The following GPM6B variants were observed in gnomAD, a reference collection of about 807,000 sequenced individuals.
GPM6B encodes glycoprotein M6B, also known as neuronal membrane glycoprotein M6-b.
A neutral mutation model predicts 27.2 loss-of-function variants in GPM6B; 4 were observed. The observed-to-expected ratio is 0.15, with a 90% CI of 0.07 to 0.34. The LOEUF (loss-of-function observed/expected upper bound fraction) is 0.34, where lower values mean the gene tolerates loss of function less well. Ranked by LOEUF, GPM6B falls within the 10% of genes least tolerant of loss-of-function variation. The pLI is 1.00. For missense variants in GPM6B, 183 were observed against 261.9 expected (o/e 0.70, Z 2.08); for synonymous variants, 124 against 103.1 (o/e 1.20, Z -1.23).
intron 1 of GPM6B, among the ~76,000 whole-genome samples, chrX:13,845,785 A>G (rs1345241406): frequency 8.9e-6 from 1 of 112,163 alleles, no homozygotes; most frequent in Non-Finnish European, 1.9e-5. Context: ...ACAGCCAGCA[A>G]CGTTGCAAGA....
chrX:13,858,780 T>C (rs1435599937), intron 1 of GPM6B, among the ~76,000 whole-genome samples: 2 of 111,843 alleles, frequency 1.8e-5, no homozygotes, highest in Non-Finnish European at 3.8e-5. Flanking sequence ...CCTGCCCCAA[T>C]ACTCACCTGC....
At chrX:13,871,803 A>G (rs73197733) in intron 1 of GPM6B, among the ~76,000 whole-genome samples, 3,867 of 112,213 alleles carry the variant, frequency 0.034, 48 homozygotes, top group Admixed American at 0.047. Flanking sequence ...CAACACAAAT[A>G]TAGAGCATTT....
chrX:13,806,475 C>T (rs141144152), intron 2 of GPM6B, among the ~76,000 whole-genome samples: 1 of 111,821 alleles, frequency 8.9e-6, no homozygotes, highest in African/African-American at 3.3e-5. Flanking sequence ...GCTGATGTCA[C>T]CTCATGCTCA....
At chrX:13,813,526 GAATTC>G (rs1473667416) in intron 1 of GPM6B, among the ~76,000 whole-genome samples, 1 of 111,681 alleles carries the variant, frequency 9.0e-6, no homozygotes, top group Non-Finnish European at 1.9e-5. Context: ...TGTTTCAGTA[GAATTC>G]AATTACCTAC....
At chrX:13,849,957 G>C (rs1477787819) in intron 1 of GPM6B, among the ~76,000 whole-genome samples, 1 of 111,355 alleles carries the variant, frequency 9.0e-6, no homozygotes. Context: ...AACTCAGGAG[G>C]CTGAGGCAGG....
At chrX:13,816,327 T>G (rs1321798334) in intron 1 of GPM6B, among the ~76,000 whole-genome samples, 2 of 110,794 alleles carry the variant, frequency 1.8e-5, no homozygotes, top group African/African-American at 6.6e-5. Context: ...AAGCTCCAAC[T>G]GTAAATGATT....
chrX:13,872,910 GC>G (rs2049995033), intron 1 of GPM6B, among the ~76,000 whole-genome samples: 1 of 110,982 alleles, frequency 9.0e-6, no homozygotes, highest in South Asian at 3.9e-4. Context: ...GAGAGGGAGT[GC>G]CCCCTTCCAT....
At chrX:13,824,221 C>G (rs767242694) in intron 1 of GPM6B, among the ~76,000 whole-genome samples, 5 of 112,211 alleles carry the variant, frequency 4.5e-5, no homozygotes, top group African/African-American at 1.6e-4. Flanking sequence ...CTAAACACTG[C>G]CAAGTGTCTC....
At chrX:13,904,978 T>C (rs1036171627) in intron 1 of GPM6B, among the ~76,000 whole-genome samples, 1 of 110,441 alleles carries the variant, frequency 9.1e-6, no homozygotes, top group African/African-American at 3.3e-5. Context: ...CTCGCACCTA[T>C]AATCTCAGTA....
rs140600665 is a variant in GPM6B at position 13,868,250 on chromosome X, C to T, written c.-198+70077G>A. On this transcript the variant is annotated intron_variant, in intron 1 of 6. Coordinates refer to the GPM6B transcript ENST00000398361. ...TGCTGGAAAAGAGTTATGTAAATGA[C>T]GGGAGGAAATGCTTTGTATTAATAA... 6.9e-3 allele frequency among the ~76,000 whole-genome samples: 763 copies of T among 110,657 alleles called. 4 individuals are homozygous for T. Among genetic ancestry groups the T allele is most frequent in the Non-Finnish European group, 0.01 (546 of 52,893 alleles).
At position 13,787,041 on chromosome X, in the gene GPM6B, C is replaced by CAAAAAAAAAAAAAAAAAA. The variant is rs869123073; in HGVS notation, c.182-1251_182-1234dup. Among the ~76,000 whole-genome samples, 7 of 24,507 alleles carry CAAAAAAAAAAAAAAAAAA rather than the reference C, an allele frequency of 2.9e-4. 1 individual carries two copies. Among genetic ancestry groups the CAAAAAAAAAAAAAAAAAA allele is most frequent in the Admixed American group, 7.7e-4 (1 of 1,295 alleles). The allele number at this position is 24,507 out of a possible 115,157, so 21.3% of individuals were successfully genotyped here. ...CTTTAGGGCAAGCACATTAAGCCAG[C>CAAAAAAAAAAAAAAAAAA]AAAAAAAAAAAAAAAAAAAAAAAAA... is the stretch of plus-strand genomic sequence containing the variant. On this transcript the variant is annotated intron_variant, in intron 2 of 7. Coordinates refer to ENST00000316715, the MANE Select transcript of GPM6B (RefSeq NM_001001995.3).
rs958951369 is a variant in GPM6B at position 13,921,670 on chromosome X, A to G, written c.-198+16657T>C. Among the ~76,000 whole-genome samples the G allele has an allele frequency of 2.9e-5, 3 of 105,245 alleles. No individual in the cohort carries two copies. The Admixed American group carries it at 3.1e-4, about 11-fold the overall frequency. The allele number at this position is 105,245 out of a possible 115,157, so 91.4% of individuals were successfully genotyped here. ...AGCTCACTGCAACCTCCGCCTCGCGAGTTCAAGCAGCAATTCTCCTGCCTC... is the reference window on the plus strand; with the variant it reads ...AGCTCACTGCAACCTCCGCCTCGCGGGTTCAAGCAGCAATTCTCCTGCCTC... On this transcript the variant is annotated intron_variant, in intron 1 of 6. Coordinates refer to the GPM6B transcript ENST00000398361.
At chrX:13,840,387 G>A (rs2049558070) in intron 1 of GPM6B, among the ~76,000 whole-genome samples, 1 of 111,315 alleles carries the variant, frequency 9.0e-6, no homozygotes, top group African/African-American at 3.3e-5. Flanking sequence ...ATTTTAGCAC[G>A]ACCTCCCTGC....
At chrX:13,774,596 T>A in intron 7 of GPM6B, 1 of 1,207,877 alleles carries the variant, frequency 8.3e-7, no homozygotes, top group Non-Finnish European at 1.1e-6. Context: ...AACCGCATAG[T>A]TATATGTAGT....
chrX:13,790,209 T>C (rs948647060), intron 2 of GPM6B, among the ~76,000 whole-genome samples: 7 of 112,088 alleles, frequency 6.2e-5, no homozygotes, highest in African/African-American at 1.6e-4. Flanking sequence ...AAGATCACTC[T>C]GGATGATGTG....
At chrX:13,927,165 T>A (rs866235777) in intron 1 of GPM6B, among the ~76,000 whole-genome samples, 4 of 102,661 alleles carry the variant, frequency 3.9e-5, no homozygotes, top group East Asian at 3.1e-4. Flanking sequence ...AAATTCAACA[T>A]AAAAAAAAAA....
intron 1 of GPM6B, among the ~76,000 whole-genome samples, 156 bp from the exon 2 acceptor site, chrX:13,807,925 A>G (rs888671293): frequency 3.6e-5 from 4 of 112,506 alleles, no homozygotes; most frequent in Non-Finnish European, 7.5e-5. Context: ...ATCCATTGAG[A>G]ATGTCCTCCG....
intron 2 of GPM6B, among the ~76,000 whole-genome samples, chrX:13,793,408 G>C (rs376266266): frequency 2.7e-5 from 3 of 111,254 alleles, no homozygotes; most frequent in South Asian, 7.7e-4. Flanking sequence ...GTCCACCTTA[G>C]GCACATGTTA....
intron 2 of GPM6B, among the ~76,000 whole-genome samples, chrX:13,803,036 C>T (rs891512517): frequency 1.9e-4 from 21 of 111,832 alleles, no homozygotes; most frequent in African/African-American, 5.9e-4. Context: ...GGGAGAAGAC[C>T]TCGAACTTAG....
Sources: gnomAD v4.1 joint callset for allele counts (sites outside exome capture counted in the v4.1 genomes callset) on GRCh38, gnomAD v4.1.1 for gene constraint, MANE v1.5 for transcripts, NCBI Gene and HGNC (gene_info 2026-07-23, HGNC 2026-07-21) for gene names.